The following QTMAN variants were observed in gnomAD, a reference collection of about 807,000 sequenced individuals.
The protein encoded by QTMAN is queuosine-tRNA mannosyltransferase, also known as tRNA-queuosine alpha-mannosyltransferase.
At chr2:144,331,998 C>A in the QTMAN span, among the ~76,000 whole-genome samples, 2 of 152,190 alleles carry the variant, frequency 1.3e-5, no homozygotes, top group Non-Finnish European at 2.9e-5. Context: ...CCAACTCAGG[C>A]CAACCCGGAC....
chr2:144,084,606 C>A, the QTMAN span, among the ~76,000 whole-genome samples: 1 of 152,202 alleles, frequency 6.6e-6, no homozygotes, highest in Non-Finnish European at 1.5e-5. Context: ...TCAGATTTTA[C>A]AACTATTTCT....
At chr2:144,050,269 A>T in the QTMAN span, among the ~76,000 whole-genome samples, 3 of 152,210 alleles carry the variant, frequency 2.0e-5, no homozygotes, top group African/African-American at 7.2e-5. Context: ...ATGGGATGTC[A>T]AAAGAAAAAT....
At chr2:144,312,181 CTTT>C in the QTMAN span, among the ~76,000 whole-genome samples, 19 of 131,176 alleles carry the variant, frequency 1.4e-4, no homozygotes, top group Admixed American at 2.3e-4. Flanking sequence ...GAGTTACATT[CTTT>C]TTTTTTTTTT....
the QTMAN span, among the ~76,000 whole-genome samples, chr2:144,219,062 C>T: frequency 6.6e-6 from 1 of 152,002 alleles, no homozygotes; most frequent in Non-Finnish European, 1.5e-5. Flanking sequence ...ACCTTAGACA[C>T]ATTTGATGTT....
At chr2:144,288,167 C>G in the QTMAN span, among the ~76,000 whole-genome samples, 6 of 152,228 alleles carry the variant, frequency 3.9e-5, no homozygotes, top group Admixed American at 3.9e-4. Context: ...CCGAGTCCAG[C>G]AGCCAACACA....
At chr2:144,205,887 G>A in the QTMAN span, among the ~76,000 whole-genome samples, 1 of 152,180 alleles carries the variant, frequency 6.6e-6, no homozygotes, top group Admixed American at 6.5e-5. Flanking sequence ...ATCCTGTGAA[G>A]TTTCTAAGGC....
At chr2:144,170,067 A>T in the QTMAN span, among the ~76,000 whole-genome samples, 1 of 152,184 alleles carries the variant, frequency 6.6e-6, no homozygotes, top group African/African-American at 2.4e-5. Context: ...CACTTTTGTA[A>T]GTAAATTTCC....
the QTMAN span, among the ~76,000 whole-genome samples, chr2:144,068,698 C>G: frequency 6.6e-6 from 1 of 152,192 alleles, no homozygotes; most frequent in South Asian, 2.1e-4. Flanking sequence ...GTATGGGGTA[C>G]AAATGTTTAT....
the QTMAN span, among the ~76,000 whole-genome samples, chr2:143,956,017 A>G: frequency 1.3e-5 from 2 of 152,174 alleles, no homozygotes; most frequent in Non-Finnish European, 2.9e-5. Context: ...GGTCCTTTTC[A>G]GAGCCTGTGT....
chr2:144,143,133 G>C, the QTMAN span, among the ~76,000 whole-genome samples: 1 of 151,958 alleles, frequency 6.6e-6, no homozygotes, highest in Non-Finnish European at 1.5e-5. Context: ...GTTGAAGGTA[G>C]GTTAGGCTAA....
At chr2:144,000,738 GT>G in the QTMAN span, among the ~76,000 whole-genome samples, 7 of 152,058 alleles carry the variant, frequency 4.6e-5, no homozygotes, top group African/African-American at 1.7e-4. Flanking sequence ...GCATGAGGAA[GT>G]TTTGGTGGAG....
At chr2:144,263,947 G>T in the QTMAN span, among the ~76,000 whole-genome samples, 1 of 151,872 alleles carries the variant, frequency 6.6e-6, no homozygotes, top group East Asian at 1.9e-4. Context: ...TTCATGTATA[G>T]AACATAAGCA....
the QTMAN span, among the ~76,000 whole-genome samples, chr2:144,086,955 T>C: frequency 3.3e-5 from 5 of 152,186 alleles, no homozygotes; most frequent in African/African-American, 4.8e-5. Context: ...ACCAGATCAC[T>C]TTCATTTCTA....
the QTMAN span, among the ~76,000 whole-genome samples, chr2:143,978,316 A>C: frequency 6.6e-6 from 1 of 152,200 alleles, no homozygotes; most frequent in Admixed American, 6.5e-5. Context: ...TTCCCCAGTT[A>C]AATCTTCCCA....
chr2:144,017,831 T>C, the QTMAN span, among the ~76,000 whole-genome samples: 1 of 152,208 alleles, frequency 6.6e-6, no homozygotes, highest in African/African-American at 2.4e-5. Context: ...CATTGGCCCT[T>C]TCATAATTGA....
the QTMAN span, among the ~76,000 whole-genome samples, chr2:144,108,578 G>A: frequency 1.3e-5 from 2 of 148,482 alleles, no homozygotes; most frequent in Non-Finnish European, 2.9e-5. Context: ...GCGGAGCTTG[G>A]AGTGAGCCGA....
At chr2:144,083,856 A>G in the QTMAN span, among the ~76,000 whole-genome samples, 1 of 152,218 alleles carries the variant, frequency 6.6e-6, no homozygotes, top group Non-Finnish European at 1.5e-5. Context: ...GAAGTAAGAG[A>G]GAAGCTTATG....
the QTMAN span, among the ~76,000 whole-genome samples, chr2:144,079,892 A>T: frequency 1.3e-5 from 2 of 152,110 alleles, no homozygotes; most frequent in Admixed American, 1.3e-4. Flanking sequence ...TACATTTTAA[A>T]TACTTTACAT....
chr2:143,983,305 GTTATTA>G, the QTMAN span, among the ~76,000 whole-genome samples: 1 of 151,978 alleles, frequency 6.6e-6, no homozygotes, highest in Non-Finnish European at 1.5e-5. Flanking sequence ...AAGAAAGGCT[GTTATTA>G]TTATTATCAT....
Sources: gnomAD v4.1 joint callset for allele counts (sites outside exome capture counted in the v4.1 genomes callset) on GRCh38, gnomAD v4.1.1 for gene constraint, MANE v1.5 for transcripts, NCBI Gene and HGNC (gene_info 2026-07-23, HGNC 2026-07-21) for gene names.